The following SEC16B variants were observed in gnomAD, a reference collection of about 807,000 sequenced individuals.
The protein encoded by SEC16B is SEC16 homolog B, endoplasmic reticulum export factor.
SEC16B carries 115 observed loss-of-function variants against 141.8 expected under a neutral mutation model. The observed-to-expected ratio is 0.81, with a 90% CI of 0.70 to 0.95. The LOEUF is 0.95. Among genes scored for constraint, SEC16B ranks in the 40% least tolerant of loss-of-function variants. SEC16B has a pLI of 0.00. For missense variants in SEC16B, 1,291 were observed against 1,312.3 expected, an observed-to-expected ratio of 0.98 and a Z score of 0.25; for synonymous variants, 493 against 492.5, an observed-to-expected ratio of 1.00 and a Z score of -0.01.
At position 177,976,886 on chromosome 1, in the gene SEC16B, A is replaced by G. The variant is rs1156304656; in HGVS notation, c.-59+7320T>C. Among the ~76,000 whole-genome samples, 2 of 152,186 alleles carry G rather than the reference A, an allele frequency of 1.3e-5. 1 individual carries two copies. Among genetic ancestry groups the G allele is most frequent in the Non-Finnish European group, 2.9e-5 (2 of 68,024 alleles). On this transcript the variant is annotated intron_variant and NMD_transcript_variant, in intron 1 of 24. Coordinates refer to the SEC16B transcript ENST00000528461. ...AAAAGAAATAGAGAAAATGTGTCAT[A>G]CAACAACACAGGAAAAAAATAATGG... is the stretch of plus-strand genomic sequence containing the variant.
In SEC16B at chr1:177,933,265, C is replaced by CT. The variant is rs748703902; in HGVS notation, c.2771dup (p.Asn925GlufsTer15). 3 of 1,600,330 alleles carry CT rather than the reference C, an allele frequency of 1.9e-6. No homozygotes were observed. The African/African-American group carries it at 4.0e-5, about 21-fold the overall frequency. On this transcript the variant is annotated frameshift_variant, in exon 22 of 26. Transcript: ENST00000308284. LOFTEE classifies it high-confidence loss of function. ...CCTCGTCTCCAGCGGGGGATGCGTTCTTGGTGGGCTTCGATCGAAACCAGC... is the reference window on the plus strand; with the variant it reads ...CCTCGTCTCCAGCGGGGGATGCGTTCTTTGGTGGGCTTCGATCGAAACCAGC...
chr1:177,958,060 G>A (rs2101972573), intron 10 of SEC16B, 72 bp downstream of exon 10: 1 of 1,040,352 alleles, frequency 9.6e-7, no homozygotes. Context: ...CACATAATTT[G>A]AGCAGCGGTG....
At chr1:177,972,229 T>G (rs1205424782), upstream of SEC16B, among the ~76,000 whole-genome samples, 2 of 152,204 alleles carry the variant, frequency 1.3e-5, no homozygotes, top group East Asian at 1.9e-4. Flanking sequence ...TATATAGACA[T>G]ATGGCATACA....
chr1:177,958,319 C>T lies in SEC16B; in HGVS notation c.1178G>A (p.Cys393Tyr), dbSNP rs754780259. The stretch of plus-strand genomic sequence containing the variant: ...CCGCTTGTACTTCTCCAGCTTCTTG[C>T]AGTCTTGCATTAGCAGCTCAGCGAT... ...SDIAELLMQD[C>Y]KKLEKYKRQP... Residue 393 changes from cysteine to tyrosine, a missense_variant, in exon 10 of 26, where the codon TGC becomes TAC. Coordinates refer to ENST00000308284, the MANE Select transcript of SEC16B (RefSeq NM_033127.4). The T allele has an allele frequency of 6.2e-7, 1 of 1,608,974 alleles. No homozygotes were observed. The highest frequency in any genetic ancestry group is 1.7e-5 in the Admixed American group (1 of 59,670).
chr1:177,961,063 T>C, intron 6 of SEC16B, 124 bp from the exon 7 acceptor site: 2 of 1,094,446 alleles, frequency 1.8e-6, no homozygotes, highest in Non-Finnish European at 2.6e-6. Flanking sequence ...AGATTCTGGG[T>C]GGGTTGTGTA....
intron 15 of SEC16B, among the ~76,000 whole-genome samples, chr1:177,944,136 G>A (rs775081100): frequency 7.9e-5 from 12 of 152,180 alleles, no homozygotes; most frequent in Non-Finnish European, 1.2e-4. Flanking sequence ...AAAAGAGGCC[G>A]GAGAAGGAGT....
intron 12 of SEC16B, among the ~76,000 whole-genome samples, chr1:177,949,948 C>CAAAAA (rs10700670): frequency 3.2e-4 from 47 of 148,758 alleles, no homozygotes; most frequent in African/African-American, 5.2e-4. Context: ...TCTACTATTA[C>CAAAAA]AAAAAAAAAA....
intron 15 of SEC16B, 46 bp downstream of exon 15, chr1:177,944,493 AAGCTGCAAATACAGCTGCCTGC>A: frequency 7.7e-7 from 1 of 1,303,702 alleles, no homozygotes; most frequent in African/African-American, 1.5e-5. Context: ...CCAAAAAGCA[AAGCTGCAAATACAGCTGCCTGC>A]AGCTGCCTGA....
chr1:177,981,140 T>C (rs1654395840), intron 1 of SEC16B, among the ~76,000 whole-genome samples: 1 of 152,140 alleles, frequency 6.6e-6, no homozygotes, highest in South Asian at 2.1e-4. Flanking sequence ...CCAGGGGGTT[T>C]GCACACAGTT....
At chr1:177,938,241 C>A (rs1380800797) in intron 18 of SEC16B, among the ~76,000 whole-genome samples, 1 of 152,228 alleles carries the variant, frequency 6.6e-6, no homozygotes. Flanking sequence ...GACCACCAAC[C>A]ATGAACTGGG....
At chr1:177,939,476 T>C (rs1651112046) in intron 18 of SEC16B, among the ~76,000 whole-genome samples, 2 of 152,146 alleles carry the variant, frequency 1.3e-5, no homozygotes, top group Non-Finnish European at 2.9e-5. Flanking sequence ...TTTAAAAACC[T>C]GAATCATGAA....
At chr1:177,974,467 C>T (rs1483926165), upstream of SEC16B, among the ~76,000 whole-genome samples, 3 of 152,102 alleles carry the variant, frequency 2.0e-5, no homozygotes, top group East Asian at 5.8e-4. Flanking sequence ...AGGATGGTGT[C>T]CCAGAAGCCA....
intron 22 of SEC16B, 62 bp downstream of exon 22, chr1:177,933,152 T>G (rs1202624538): frequency 2.9e-6 from 4 of 1,363,570 alleles, no homozygotes; most frequent in Admixed American, 2.1e-5. Flanking sequence ...TCCTAGGTGC[T>G]GAGGCAGCTC....
chr1:177,964,137 C>A, intron 5 of SEC16B, 34 bp downstream of exon 5: 1 of 1,496,594 alleles, frequency 6.7e-7, no homozygotes, highest in Non-Finnish European at 9.2e-7. Flanking sequence ...GACACATGGC[C>A]ACAGTCTCCA....
intron 15 of SEC16B, among the ~76,000 whole-genome samples, chr1:177,942,782 T>G (rs899477175): frequency 6.6e-4 from 100 of 152,066 alleles, no homozygotes; most frequent in African/African-American, 2.3e-3. Flanking sequence ...CAGGATCAAG[T>G]GTGAGGGCTT....
intron 11 of SEC16B, among the ~76,000 whole-genome samples, chr1:177,952,753 C>A (rs1652296209): frequency 6.6e-6 from 1 of 152,288 alleles, no homozygotes; most frequent in Non-Finnish European, 1.5e-5. Context: ...AAAGGAAAAT[C>A]ATCCTCAGAA....
intron 16 of SEC16B, among the ~76,000 whole-genome samples, chr1:177,941,507 C>G (rs1651268551): frequency 6.6e-6 from 1 of 152,080 alleles, no homozygotes; most frequent in South Asian, 2.1e-4. Flanking sequence ...CAAAATATTC[C>G]ATGCATTTAA....
intron 14 of SEC16B, 39 bp from the exon 15 acceptor site, chr1:177,944,705 G>C (rs1181599709): frequency 2.6e-6 from 4 of 1,531,468 alleles, no homozygotes; most frequent in Non-Finnish European, 3.6e-6. Context: ...ATTGAGGTGT[G>C]GGGGACGCAG....
At chr1:177,961,346 G>A (rs747211790) in intron 6 of SEC16B, 13 of 509,742 alleles carry the variant, frequency 2.6e-5, no homozygotes, top group Non-Finnish European at 4.4e-5. Flanking sequence ...ACCACTGAGT[G>A]CCTCCTTTCC....
Sources: gnomAD v4.1 joint callset for allele counts (sites outside exome capture counted in the v4.1 genomes callset) on GRCh38, gnomAD v4.1.1 for gene constraint, MANE v1.5 for transcripts, NCBI Gene and HGNC (gene_info 2026-07-23, HGNC 2026-07-21) for gene names.